IARS1: variants seen among roughly 807,000 people sequenced by gnomAD.
IARS1 encodes the protein isoleucine--tRNA ligase, cytoplasmic.
A neutral mutation model predicts 168.2 loss-of-function variants in IARS1; 124 were observed. The ratio of observed to expected loss-of-function variants is 0.74; its 90% confidence interval spans 0.64 to 0.86. The LOEUF is 0.86. Ranked by LOEUF, IARS1 falls within the 40% of genes least tolerant of loss-of-function variation. The pLI, the probability that IARS1 is intolerant of heterozygous loss-of-function variation, is 0.00. For missense variants in IARS1, 1,452 were observed against 1,515.8 expected (o/e 0.96, Z 0.70); for synonymous variants, 532 against 529.4 (o/e 1.00, Z -0.07).
At chr9:92,241,967 T>C (rs569207379) in intron 29 of IARS1, among the ~76,000 whole-genome samples, 187 bp downstream of exon 29, 1 of 152,334 alleles carries the variant, frequency 6.6e-6, no homozygotes, top group Non-Finnish European at 1.5e-5. Context: ...CAGTTCCATC[T>C]TCCCTCCCTG....
chr9:92,227,754 C>T (rs553792503), intron 31 of IARS1, among the ~76,000 whole-genome samples: 13 of 150,086 alleles, frequency 8.7e-5, no homozygotes, highest in South Asian at 2.1e-4. Flanking sequence ...CGGGCAGAGA[C>T]GCTCCTCACT....
At chr9:92,243,039 C>T (rs1001348056) in intron 28 of IARS1, 177 bp downstream of exon 28, 27 of 526,218 alleles carry the variant, frequency 5.1e-5, no homozygotes, top group East Asian at 3.5e-4. Flanking sequence ...GGAGTGAACA[C>T]GTGGGGAGAG....
At chr9:92,228,449 C>T (rs1826106661) in intron 31 of IARS1, among the ~76,000 whole-genome samples, 1 of 151,432 alleles carries the variant, frequency 6.6e-6, no homozygotes. Flanking sequence ...TGGTAGCTCA[C>T]ACCTGGAATC....
chr9:92,288,542 T>C (rs1052478887), intron 2 of IARS1, among the ~76,000 whole-genome samples: 2 of 152,234 alleles, frequency 1.3e-5, no homozygotes, highest in East Asian at 1.9e-4. Context: ...TTATTTATCC[T>C]GATCTTGAGT....
At position 92,289,329 on chromosome 9, in the gene IARS1, A is replaced by G. The variant is rs773848955; in HGVS notation, c.91T>C (p.Cys31Arg). Residue 31 changes from cysteine to arginine, a missense_variant, in exon 2 of 34, where the codon TGC becomes CGC. Cys to Arg is a radical substitution (Grantham distance 180, BLOSUM62 -3). Coordinates refer to ENST00000443024, the MANE Select transcript of IARS1 (RefSeq NM_002161.6). ...FWTEFNCFQE[C>R]LKQSKHKPKF... ...GGTTTATGTTTTGATTGCTTTAAGCATTCCTGAAAACAATTAAATTCAGTC... is the reference window on the plus strand; with the variant it reads ...GGTTTATGTTTTGATTGCTTTAAGCGTTCCTGAAAACAATTAAATTCAGTC... 2 of 1,553,888 alleles carry G rather than the reference A, an allele frequency of 1.3e-6. No individual in the cohort carries two copies. Among genetic ancestry groups the G allele is most frequent in the Admixed American group, 1.7e-5 (1 of 59,022 alleles).
At chr9:92,245,843 T>C (rs570039860) in intron 26 of IARS1, among the ~76,000 whole-genome samples, 158 of 151,908 alleles carry the variant, frequency 1.0e-3, no homozygotes, top group African/African-American at 3.5e-3. Flanking sequence ...CTCGGCTCAC[T>C]GCAAGCTCTG....
chr9:92,261,560 C>T (rs747562766), intron 17 of IARS1, among the ~76,000 whole-genome samples: 7 of 152,020 alleles, frequency 4.6e-5, no homozygotes, highest in East Asian at 1.9e-4. Flanking sequence ...CAGGTAAATG[C>T]GTATAAGCAA....
intron 9 of IARS1, among the ~76,000 whole-genome samples, chr9:92,275,790 C>T (rs1833699231): frequency 6.6e-6 from 1 of 152,232 alleles, no homozygotes; most frequent in African/African-American, 2.4e-5. Context: ...CGATATTTCA[C>T]AACAGGTATA....
At chr9:92,243,946 A>G (rs1379474374) in intron 27 of IARS1, among the ~76,000 whole-genome samples, 1 of 152,228 alleles carries the variant, frequency 6.6e-6, no homozygotes, top group Non-Finnish European at 1.5e-5. Context: ...GTTGCAGAGT[A>G]AAATATACTC....
chr9:92,237,845 G>A (rs1237268086), intron 30 of IARS1, among the ~76,000 whole-genome samples: 1 of 152,106 alleles, frequency 6.6e-6, no homozygotes, highest in Non-Finnish European at 1.5e-5. Context: ...TATATTAGAA[G>A]TTTGTTATAG....
chr9:92,231,708 G>T (rs974926637), intron 30 of IARS1, among the ~76,000 whole-genome samples: 1 of 151,738 alleles, frequency 6.6e-6, no homozygotes, highest in African/African-American at 2.4e-5. Context: ...GATTACAGGC[G>T]TGAGCCACCG....
chr9:92,288,040 T>A, intron 3 of IARS1, 86 bp downstream of exon 3: 1 of 1,521,176 alleles, frequency 6.6e-7, no homozygotes, highest in South Asian at 1.2e-5. Flanking sequence ...ACAGTCAACG[T>A]TCATCATACT....
intron 19 of IARS1, among the ~76,000 whole-genome samples, chr9:92,257,563 G>C (rs989026175): frequency 1.3e-5 from 2 of 152,194 alleles, no homozygotes; most frequent in African/African-American, 4.8e-5. Flanking sequence ...CTGCAGAGAG[G>C]AGGAATGCTG....
At chr9:92,272,920 AGAAT>A (rs1833287337) in intron 10 of IARS1, among the ~76,000 whole-genome samples, 1 of 152,070 alleles carries the variant, frequency 6.6e-6, no homozygotes, top group African/African-American at 2.4e-5. Flanking sequence ...TATAGTTTAA[AGAAT>A]GAATCTTCTA....
rs147238476 is a variant in IARS1, at chr9:92,265,073, C to T, written c.1556G>A (p.Arg519His). Residue 519 changes from arginine (R) to histidine (H), a missense_variant, in exon 16 of 34, where the codon CGC becomes CAC. Physicochemically the swap from Arg to His is conservative, Grantham distance 29. Coordinates refer to ENST00000443024, the MANE Select transcript of IARS1 (RefSeq NM_002161.6). ...CCAACAGTCAAACACTTCAGAGATG[C>T]GGTGCAAGGATCCCTTCCCACAGCG... is the stretch of plus-strand genomic sequence containing the variant. ...PSRCGKGSLHRISEVFDCWFE... is the reference protein window; with the variant it reads ...PSRCGKGSLHHISEVFDCWFE... 9 of 1,614,034 alleles carry T rather than the reference C, an allele frequency of 5.6e-6. No homozygotes were observed. The highest frequency in any genetic ancestry group is 4.5e-5 in the East Asian group (2 of 44,868).
chr9:92,245,541 C>T (rs1029656768), intron 26 of IARS1, among the ~76,000 whole-genome samples: 3 of 152,136 alleles, frequency 2.0e-5, no homozygotes, highest in African/African-American at 7.2e-5. Context: ...GAGCATCATG[C>T]CTGTTCAGGG....
chr9:92,273,651 C>T (rs1196112150), intron 10 of IARS1, among the ~76,000 whole-genome samples: 1 of 152,196 alleles, frequency 6.6e-6, no homozygotes, highest in Non-Finnish European at 1.5e-5. Flanking sequence ...TACTATACAA[C>T]ATATCAATGT....
intron 22 of IARS1, among the ~76,000 whole-genome samples, chr9:92,251,515 T>C (rs1005655530): frequency 1.3e-5 from 2 of 152,186 alleles, no homozygotes; most frequent in African/African-American, 4.8e-5. Context: ...CACATTAAGA[T>C]GAGGTATGTC....
chr9:92,286,264 G>A (rs1835442087), intron 5 of IARS1: 2 of 319,596 alleles, frequency 6.3e-6, no homozygotes, highest in East Asian at 6.0e-5. Flanking sequence ...CTACTTGGGA[G>A]GCTGAAGCAA....
Sources: allele counts gnomAD v4.1 joint callset (sites outside exome capture counted in the v4.1 genomes callset), GRCh38; gene constraint gnomAD v4.1.1; transcripts MANE v1.5; gene names NCBI Gene and HGNC (gene_info 2026-07-23, HGNC 2026-07-21).